GNB1L: variants seen among roughly 807,000 people sequenced by gnomAD.
GNB1L encodes guanine nucleotide-binding protein subunit beta-like protein 1.
A neutral mutation model predicts 29.1 loss-of-function variants in GNB1L; 20 were observed. The ratio of observed to expected loss-of-function variants is 0.69; its 90% CI spans 0.48 to 1.00. GNB1L has a LOEUF of 1.00. GNB1L is among the 50% of genes least tolerant of loss of function. The pLI, the probability that GNB1L is intolerant of heterozygous loss-of-function variation, is 0.00. For missense variants in GNB1L, 421 were observed against 464.9 expected, an observed-to-expected ratio of 0.91 and a Z score of 0.87; for synonymous variants, 193 against 206.5, an observed-to-expected ratio of 0.93 and a Z score of 0.56.
intron 2 of GNB1L, among the ~76,000 whole-genome samples, chr22:19,841,572 G>A (rs940082579): frequency 6.6e-6 from 1 of 152,110 alleles, no homozygotes; most frequent in African/African-American, 2.4e-5. Context: ...AGCCCAGGAG[G>A]TTAAGGCTGC....
At chr22:19,814,189 C>T (rs965373685) in intron 4 of GNB1L, among the ~76,000 whole-genome samples, 1 of 152,050 alleles carries the variant, frequency 6.6e-6, no homozygotes, top group African/African-American at 2.4e-5. Flanking sequence ...TTCCTATATT[C>T]CAATTAAAGT....
intron 7 of GNB1L, 52 bp from the exon 8 acceptor site, chr22:19,789,012 G>T (rs1295734329): frequency 1.3e-6 from 2 of 1,538,842 alleles, no homozygotes; most frequent in Non-Finnish European, 1.8e-6. Context: ...ACAAGGCAGT[G>T]CTGCCCCTGG....
intron 7 of GNB1L, among the ~76,000 whole-genome samples, chr22:19,789,411 C>G (rs1241493923): frequency 6.6e-6 from 1 of 152,198 alleles, no homozygotes; most frequent in African/African-American, 2.4e-5. Context: ...GAAATACAAA[C>G]TCCATTTTCA....
chr22:19,797,015 G>C (rs1937313884), intron 7 of GNB1L, among the ~76,000 whole-genome samples: 1 of 152,182 alleles, frequency 6.6e-6, no homozygotes, highest in African/African-American at 2.4e-5. Flanking sequence ...CAACCTTCAG[G>C]ATTTGTATGC....
At chr22:19,792,982 A>G in intron 7 of GNB1L, 3 of 1,509,038 alleles carry the variant, frequency 2.0e-6, no homozygotes, top group Non-Finnish European at 2.7e-6. Flanking sequence ...AATGACAGAT[A>G]CGATGAGATC....
At chr22:19,851,777 A>G in intron 2 of GNB1L, 1 of 1,613,470 alleles carries the variant, frequency 6.2e-7, no homozygotes, top group Non-Finnish European at 8.5e-7. Flanking sequence ...AGGCAGGGGC[A>G]GGTCCCCATC....
chr22:19,802,863 CA>C (rs1342449991), intron 6 of GNB1L, among the ~76,000 whole-genome samples: 2 of 152,264 alleles, frequency 1.3e-5, no homozygotes, highest in East Asian at 1.9e-4. Context: ...AAGCCCTGGG[CA>C]GACACCTCGT....
chr22:19,843,603 T>G (rs778724307), intron 2 of GNB1L, among the ~76,000 whole-genome samples: 27 of 152,226 alleles, frequency 1.8e-4, no homozygotes, highest in South Asian at 6.2e-4. Flanking sequence ...CAGGCCTGCA[T>G]CAGGCATATC....
intron 2 of GNB1L, among the ~76,000 whole-genome samples, chr22:19,824,634 C>A (rs1032865980): frequency 6.6e-6 from 1 of 152,260 alleles, no homozygotes; most frequent in South Asian, 2.1e-4. Context: ...ACCGCGGAGG[C>A]AGCTCGGCAG....
At chr22:19,850,091 T>C (rs983684363) in intron 2 of GNB1L, 8 of 983,226 alleles carry the variant, frequency 8.1e-6, no homozygotes, top group Non-Finnish European at 9.7e-6. Flanking sequence ...CCCACCCAGC[T>C]TCTTTGATCA....
chr22:19,814,277 T>C (rs572810551), intron 4 of GNB1L, among the ~76,000 whole-genome samples: 1 of 152,222 alleles, frequency 6.6e-6, no homozygotes, highest in South Asian at 2.1e-4. Context: ...AGTCCACAGA[T>C]GGATGCTAAA....
At chr22:19,807,330 CGCTGGTCACACATCTCCTGAACA>C (rs1937448471) in intron 5 of GNB1L, among the ~76,000 whole-genome samples, 1 of 151,234 alleles carries the variant, frequency 6.6e-6, no homozygotes, top group Admixed American at 6.6e-5. Context: ...GGTGTAGGCT[CGCTGGTCACACATCTCCTGAACA>C]GCCAGGTCAG....
At chr22:19,845,723 T>C (rs1466345475) in intron 2 of GNB1L, among the ~76,000 whole-genome samples, 1 of 152,200 alleles carries the variant, frequency 6.6e-6, no homozygotes, top group Non-Finnish European at 1.5e-5. Flanking sequence ...CGGGCCCTGC[T>C]GTCCTGGAGA....
intron 6 of GNB1L, among the ~76,000 whole-genome samples, chr22:19,806,024 C>G (rs780938421): frequency 1.3e-5 from 2 of 152,158 alleles, no homozygotes; most frequent in Non-Finnish European, 2.9e-5. Flanking sequence ...AGACTGGCCT[C>G]GAGGAAGCTG....
chr22:19,808,413 G>T (rs930648254), intron 5 of GNB1L, among the ~76,000 whole-genome samples: 3 of 152,198 alleles, frequency 2.0e-5, no homozygotes, highest in Non-Finnish European at 4.4e-5. Flanking sequence ...TTACAGTCAG[G>T]AACCAAGAGG....
intron 2 of GNB1L, among the ~76,000 whole-genome samples, chr22:19,840,699 A>G (rs1937845338): frequency 1.3e-5 from 2 of 152,148 alleles, no homozygotes; most frequent in African/African-American, 4.8e-5. Context: ...AATCCCAGCT[A>G]CTGGGGAGGC....
chr22:19,829,656 A>G (rs1937652778), intron 2 of GNB1L, among the ~76,000 whole-genome samples: 1 of 152,198 alleles, frequency 6.6e-6, no homozygotes, highest in African/African-American at 2.4e-5. Context: ...ATCAAGTGGA[A>G]TTTATCCTAG....
chr22:19,797,200 G>C (rs983033758), intron 7 of GNB1L, among the ~76,000 whole-genome samples: 1 of 152,118 alleles, frequency 6.6e-6, no homozygotes, highest in Non-Finnish European at 1.5e-5. Context: ...ATCGGGAGAA[G>C]AGGGAACGCT....
chr22:19,827,854 G>A (rs1937631655), intron 2 of GNB1L, among the ~76,000 whole-genome samples: 1 of 152,164 alleles, frequency 6.6e-6, no homozygotes, highest in African/African-American at 2.4e-5. Context: ...TCACAAGTGT[G>A]TACAAAGAAA....
Sources: allele counts gnomAD v4.1 joint callset (sites outside exome capture counted in the v4.1 genomes callset), GRCh38; gene constraint gnomAD v4.1.1; transcripts MANE v1.5; gene names NCBI Gene and HGNC (gene_info 2026-07-23, HGNC 2026-07-21).